Variants in LMOD1 observed in about 807,000 individuals in gnomAD.
LMOD1 encodes the protein leiomodin 1.
A neutral mutation model predicts 36.5 loss-of-function variants in LMOD1; 8 were observed. The ratio of observed to expected loss-of-function variants is 0.22; its 90% CI spans 0.13 to 0.40. The LOEUF is 0.40. LMOD1 is among the 10% of genes least tolerant of loss of function. The probability of loss-of-function intolerance (pLI) is 1.00; values close to 1 mark genes in which losing one functional copy is unlikely to be tolerated. For missense variants in LMOD1, 630 were observed against 751.1 expected, an observed-to-expected ratio of 0.84 and a Z score of 1.88; for synonymous variants, 284 against 288.7, an observed-to-expected ratio of 0.98 and a Z score of 0.17.
At chr1:201,904,399 G>A (rs185634919) in intron 1 of LMOD1, among the ~76,000 whole-genome samples, 4 of 152,144 alleles carry the variant, frequency 2.6e-5, no homozygotes, top group Admixed American at 6.5e-5. Flanking sequence ...TGGTAGAGAC[G>A]GGGTTTCTCC....
chr1:201,901,971 T>A (rs1345088533), intron 1 of LMOD1, among the ~76,000 whole-genome samples: 1 of 149,790 alleles, frequency 6.7e-6, no homozygotes, highest in African/African-American at 2.4e-5. Context: ...TTATTATTTT[T>A]TTTTTTTAGA....
At chr1:201,929,194 C>T (rs1018733693) in intron 1 of LMOD1, among the ~76,000 whole-genome samples, 1 of 151,994 alleles carries the variant, frequency 6.6e-6, no homozygotes, top group Non-Finnish European at 1.5e-5. Context: ...CCTCTGCCTC[C>T]TGGGTTCAAG....
chr1:201,903,136 C>T (rs2820315), intron 1 of LMOD1, among the ~76,000 whole-genome samples: 34,427 of 152,150 alleles, frequency 0.23, 4,643 homozygotes, highest in Non-Finnish European at 0.31. Context: ...CTTCAACCTC[C>T]GCTCTTCGCC....
intron 1 of LMOD1, among the ~76,000 whole-genome samples, chr1:201,945,468 A>G (rs890553210): frequency 6.6e-6 from 1 of 152,122 alleles, no homozygotes; most frequent in Non-Finnish European, 1.5e-5. Flanking sequence ...AACAAAAAAC[A>G]TCTTCCCTGG....
chr1:201,944,977 C>G (rs1409587784), intron 1 of LMOD1, among the ~76,000 whole-genome samples: 1 of 152,204 alleles, frequency 6.6e-6, no homozygotes, highest in Non-Finnish European at 1.5e-5. Context: ...CTCTGTGCCT[C>G]AGTTTCCATA....
chr1:201,943,373 A>C (rs16849455), intron 1 of LMOD1, among the ~76,000 whole-genome samples: 15,131 of 152,308 alleles, frequency 0.099, 856 homozygotes, highest in East Asian at 0.26. Context: ...GGCATGTAGA[A>C]GTTTCTTAGT....
At position 201,898,227 on chromosome 1, in the gene LMOD1, G is replaced by T; in HGVS notation, c.*145C>A. ...AGAGATAAGGCATCCTTCCTTGAGC[G>T]TGACCCAGGCCTGGACTCTCCCATG... On this transcript the variant is annotated 3_prime_UTR_variant, in exon 3 of 3. Coordinates refer to ENST00000367288, the MANE Select transcript of LMOD1 (RefSeq NM_012134.3). 1.3e-6 allele frequency: 1 copy of T among 779,864 alleles called. No individual in the cohort carries two copies. The highest frequency in any genetic ancestry group is 2.7e-5 in the East Asian group (1 of 36,516). 48.3% of individuals were successfully genotyped at this position (779,864 alleles called of 1,614,324 possible).
chr1:201,898,428 G>A lies in LMOD1; in HGVS notation c.1777-30C>T, dbSNP rs1423055932. On this transcript the variant is annotated intron_variant, in intron 2 of 2. Transcript: ENST00000367288. ...AGGGGCAAAGTAGAGACAGGTTAGA[G>A]AAGGGAGCTCAGCCACCTCACCTCC... The A allele has an allele frequency of 1.1e-5, 17 of 1,606,124 alleles. No homozygotes were observed. The South Asian group carries it at 1.9e-4, about 18-fold the overall frequency.
At chr1:201,938,966 A>G (rs1682067106) in intron 1 of LMOD1, among the ~76,000 whole-genome samples, 1 of 151,844 alleles carries the variant, frequency 6.6e-6, no homozygotes, top group African/African-American at 2.4e-5. Context: ...TCTTTTTCCA[A>G]CCCAGCAACT....
At chr1:201,925,201 A>T (rs991127799) in intron 1 of LMOD1, among the ~76,000 whole-genome samples, 1 of 152,040 alleles carries the variant, frequency 6.6e-6, no homozygotes, top group Non-Finnish European at 1.5e-5. Context: ...TACAAGAGCA[A>T]AACTCCAGCT....
intron 1 of LMOD1, among the ~76,000 whole-genome samples, chr1:201,906,061 T>C (rs1681405869): frequency 1.3e-5 from 2 of 152,170 alleles, no homozygotes. Context: ...TAGCTCGAGC[T>C]CCTGGCTGAG....
chr1:201,919,613 G>A (rs1247248195), intron 1 of LMOD1, among the ~76,000 whole-genome samples: 1 of 152,208 alleles, frequency 6.6e-6, no homozygotes, highest in Non-Finnish European at 1.5e-5. Flanking sequence ...TGAGTGCTCT[G>A]TAGGTATTGG....
intron 1 of LMOD1, among the ~76,000 whole-genome samples, chr1:201,913,526 G>A (rs980992025): frequency 2.6e-5 from 4 of 152,220 alleles, no homozygotes; most frequent in African/African-American, 4.8e-5. Flanking sequence ...AGAATCGTCC[G>A]AAGTCAGGAG....
At chr1:201,930,021 T>C (rs1472718382) in intron 1 of LMOD1, among the ~76,000 whole-genome samples, 1 of 152,054 alleles carries the variant, frequency 6.6e-6, no homozygotes, top group African/African-American at 2.4e-5. Flanking sequence ...GCATCCCAGT[T>C]GGAGGCGACA....
chr1:201,935,660 G>A (rs1435916569), intron 1 of LMOD1, among the ~76,000 whole-genome samples: 1 of 151,842 alleles, frequency 6.6e-6, no homozygotes, highest in Non-Finnish European at 1.5e-5. Context: ...GGGTTCAAGC[G>A]ATTCTCCTGC....
intron 1 of LMOD1, among the ~76,000 whole-genome samples, chr1:201,937,907 C>T (rs1334721434): frequency 2.0e-5 from 3 of 152,072 alleles, no homozygotes; most frequent in Non-Finnish European, 2.9e-5. Flanking sequence ...TTAATGGAGT[C>T]CTCCTCCCTC....
Position 201,898,115 on chromosome 1 carries a change from A to G in LMOD1, c.*257T>C, listed in dbSNP as rs551831203. The G allele has an allele frequency of 9.0e-6, 5 of 552,668 alleles. No homozygotes were observed. In the South Asian group the frequency reaches 1.1e-4, roughly 12 times the overall value. 34.2% of individuals were successfully genotyped at this position (552,668 alleles called of 1,614,324 possible). A position where few individuals can be genotyped will look rare whatever the true frequency, so the allele number is the denominator to read the frequency against. ...AGTGCCATCTTCTCAGTGATGTGCTAAAAGGACTCTTCTTGTCCAGAAACC... is the reference window on the plus strand; with the variant it reads ...AGTGCCATCTTCTCAGTGATGTGCTGAAAGGACTCTTCTTGTCCAGAAACC... On this transcript the variant is annotated 3_prime_UTR_variant, in exon 3 of 3. Coordinates refer to ENST00000367288, the MANE Select transcript of LMOD1 (RefSeq NM_012134.3).
intron 1 of LMOD1, among the ~76,000 whole-genome samples, chr1:201,901,596 GTATATATATATATACACATA>G (rs1558234759): frequency 7.9e-5 from 5 of 62,926 alleles, no homozygotes; most frequent in African/African-American, 1.7e-4. Flanking sequence ...ATATATATAT[GTATATATATATATACACATA>G]TATATGTGTG....
At chr1:201,913,508 G>A (rs955621541) in intron 1 of LMOD1, among the ~76,000 whole-genome samples, 3 of 152,238 alleles carry the variant, frequency 2.0e-5, no homozygotes, top group Non-Finnish European at 4.4e-5. Flanking sequence ...TCAGGAGGCT[G>A]AAGCAGGAGA....
Sources: allele counts gnomAD v4.1 joint callset (sites outside exome capture counted in the v4.1 genomes callset), GRCh38; gene constraint gnomAD v4.1.1; transcripts MANE v1.5; gene names NCBI Gene and HGNC (gene_info 2026-07-23, HGNC 2026-07-21).